Variants in FARS2 observed in about 807,000 individuals in gnomAD.
FARS2 encodes phenylalanine--tRNA ligase, mitochondrial.
FARS2 carries 40 observed loss-of-function variants against 46.4 expected under a neutral mutation model. The observed-to-expected ratio is 0.86, with a 90% CI of 0.67 to 1.12. FARS2 has a LOEUF of 1.12. FARS2 is among the 50% of genes most tolerant of loss of function. FARS2 has a pLI of 0.00. For missense variants in FARS2, 513 were observed against 567.9 expected, an observed-to-expected ratio of 0.90 and a Z score of 0.98; for synonymous variants, 234 against 214.9, an observed-to-expected ratio of 1.09 and a Z score of -0.78.
intron 6 of FARS2, among the ~76,000 whole-genome samples, chr6:5,698,889 C>G (rs1290294573): frequency 6.6e-6 from 1 of 152,172 alleles, no homozygotes; most frequent in Non-Finnish European, 1.5e-5. Flanking sequence ...GGGGGATCTT[C>G]TCTCTCGGTT....
At chr6:5,587,147 T>C (rs1370966698) in intron 5 of FARS2, among the ~76,000 whole-genome samples, 1 of 152,230 alleles carries the variant, frequency 6.6e-6, no homozygotes, top group Non-Finnish European at 1.5e-5. Context: ...TTTAACCTTT[T>C]TGGGCCTAAT....
chr6:5,417,115 A>T (rs771563545), intron 3 of FARS2, among the ~76,000 whole-genome samples: 3 of 152,196 alleles, frequency 2.0e-5, no homozygotes, highest in Non-Finnish European at 4.4e-5. Flanking sequence ...TCTGCTAGTG[A>T]TGAATTCTTT....
At chr6:5,620,697 T>G (rs905358077) in intron 6 of FARS2, among the ~76,000 whole-genome samples, 6 of 151,258 alleles carry the variant, frequency 4.0e-5, no homozygotes, top group African/African-American at 1.5e-4. Context: ...TGACCTTCAC[T>G]GTCCAGCAAT....
chr6:5,419,836 C>A (rs184226276), intron 3 of FARS2, among the ~76,000 whole-genome samples: 4 of 152,202 alleles, frequency 2.6e-5, no homozygotes, highest in Non-Finnish European at 4.4e-5. Flanking sequence ...TGCCATCCTG[C>A]AGGAGGCAGG....
At chr6:5,355,953 CT>C (rs1276173395) in intron 1 of FARS2, among the ~76,000 whole-genome samples, 2 of 152,172 alleles carry the variant, frequency 1.3e-5, no homozygotes, top group African/African-American at 2.4e-5. Context: ...ACTTGAGGCG[CT>C]TTCATGGGCA....
At chr6:5,667,281 G>A (rs1032551364) in intron 6 of FARS2, among the ~76,000 whole-genome samples, 5 of 151,992 alleles carry the variant, frequency 3.3e-5, no homozygotes, top group South Asian at 2.1e-4. Context: ...GCCCTTTGGG[G>A]GGCCAAGGTG....
At chr6:5,685,408 C>T (rs1040748182) in intron 6 of FARS2, among the ~76,000 whole-genome samples, 13 of 152,194 alleles carry the variant, frequency 8.5e-5, no homozygotes, top group Non-Finnish European at 8.8e-5. Flanking sequence ...TCCAACCCAT[C>T]CTAAATCGTG....
At chr6:5,688,754 T>C (rs936052894) in intron 6 of FARS2, among the ~76,000 whole-genome samples, 1 of 152,234 alleles carries the variant, frequency 6.6e-6, no homozygotes, top group African/African-American at 2.4e-5. Context: ...TTCTATTGAT[T>C]GGAATAGTTT....
intron 5 of FARS2, among the ~76,000 whole-genome samples, chr6:5,597,486 G>A (rs1335250524): frequency 2.6e-5 from 4 of 152,204 alleles, no homozygotes; most frequent in Non-Finnish European, 4.4e-5. Context: ...GACACAGAGC[G>A]GCGCCTGATG....
chr6:5,463,140 C>T (rs1175793561), intron 4 of FARS2, among the ~76,000 whole-genome samples: 1 of 152,172 alleles, frequency 6.6e-6, no homozygotes, highest in South Asian at 2.1e-4. Context: ...TTCCTTTCAG[C>T]AGTGTTTTAT....
At chr6:5,277,968 T>C (rs945494813) in intron 1 of FARS2, among the ~76,000 whole-genome samples, 55 of 152,242 alleles carry the variant, frequency 3.6e-4, no homozygotes, top group African/African-American at 1.3e-3. Context: ...TGATGTCTTA[T>C]ATCCTGCTCC....
intron 4 of FARS2, among the ~76,000 whole-genome samples, chr6:5,460,950 A>G (rs1195597461): frequency 6.6e-6 from 1 of 151,896 alleles, no homozygotes; most frequent in Non-Finnish European, 1.5e-5. Flanking sequence ...ATTCCACCAT[A>G]CACACCACAC....
chr6:5,526,053 A>G (rs1323539415), intron 4 of FARS2, among the ~76,000 whole-genome samples: 1 of 152,232 alleles, frequency 6.6e-6, no homozygotes, highest in African/African-American at 2.4e-5. Context: ...ATAAGATTCA[A>G]TGATAATATT....
intron 6 of FARS2, among the ~76,000 whole-genome samples, chr6:5,723,799 A>G (rs1035445203): frequency 3.0e-4 from 46 of 152,336 alleles, no homozygotes; most frequent in African/African-American, 1.1e-3. Context: ...AACAAAATGA[A>G]ATTGGGAGGC....
At chr6:5,524,657 A>G (rs746680476) in intron 4 of FARS2, among the ~76,000 whole-genome samples, 20 of 152,200 alleles carry the variant, frequency 1.3e-4, no homozygotes, top group Admixed American at 7.2e-4. Context: ...TAGGCCTTAC[A>G]GTAGCTCTAG....
rs974117634 is a variant in FARS2 at position 5,687,480 on chromosome 6, C to G, written c.1217+74160C>G. On this transcript the variant is annotated intron_variant, in intron 6 of 6. Coordinates refer to ENST00000274680, the MANE Select transcript of FARS2 (RefSeq NM_006567.5). ...AATCCTTTCCCCATTGCTTGTTTTT[C>G]TCAGGTTTGTCAAAGATCAGATAGT... is the stretch of plus-strand genomic sequence containing the variant. Among the ~76,000 whole-genome samples, 52 of 152,082 alleles carry G rather than the reference C, an allele frequency of 3.4e-4. 1 individual carries two copies. Among genetic ancestry groups the G allele is most frequent in the Admixed American group, 2.6e-3 (40 of 15,270 alleles).
chr6:5,300,515 C>T (rs1768223146), intron 1 of FARS2, among the ~76,000 whole-genome samples: 1 of 152,058 alleles, frequency 6.6e-6, no homozygotes. Flanking sequence ...GAATGTAGCT[C>T]TCTTCTCACT....
chr6:5,401,262 T>A (rs1326099630), intron 2 of FARS2, among the ~76,000 whole-genome samples: 2 of 152,156 alleles, frequency 1.3e-5, no homozygotes, highest in African/African-American at 4.8e-5. Flanking sequence ...TGTTTTATTA[T>A]GCTTTTGAAT....
chr6:5,290,114 C>A (rs1248018388), intron 1 of FARS2, among the ~76,000 whole-genome samples: 1 of 152,106 alleles, frequency 6.6e-6, no homozygotes, highest in East Asian at 1.9e-4. Context: ...TATTACATTT[C>A]CTGAAACTAC....
Sources: allele counts gnomAD v4.1 joint callset (sites outside exome capture counted in the v4.1 genomes callset), GRCh38; gene constraint gnomAD v4.1.1; transcripts MANE v1.5; gene names NCBI Gene and HGNC (gene_info 2026-07-23, HGNC 2026-07-21).